Variants in VWA5A observed in about 807,000 individuals in gnomAD.
The protein encoded by VWA5A is von Willebrand factor A domain containing 5A, also known as von Willebrand factor A domain-containing protein 5A.
Under a neutral mutation model 84.6 loss-of-function variants are expected in VWA5A, and 77 were observed. The observed-to-expected ratio is 0.91, with a 90% CI of 0.76 to 1.10. The LOEUF (loss-of-function observed/expected upper bound fraction) is 1.10, where lower values mean the gene tolerates loss of function less well. VWA5A is among the 50% of genes least tolerant of loss of function. The pLI is 0.00. For synonymous variants in VWA5A, 334 were observed against 350.1 expected (o/e 0.95, Z 0.51); for missense variants, 973 against 963.0 (o/e 1.01, Z -0.14).
intron 11 of VWA5A, among the ~76,000 whole-genome samples, chr11:124,132,642 ATTTC>A (rs1865113913): frequency 6.6e-6 from 1 of 152,008 alleles, no homozygotes; most frequent in Non-Finnish European, 1.5e-5. Flanking sequence ...TTCTATTAAT[ATTTC>A]TTTCCTTGCA....
intron 17 of VWA5A, among the ~76,000 whole-genome samples, chr11:124,144,628 C>A (rs903197831): frequency 2.0e-5 from 3 of 152,148 alleles, no homozygotes; most frequent in Non-Finnish European, 4.4e-5. Flanking sequence ...TTCCCTTGAT[C>A]TCCTGACTCT....
At chr11:124,142,375 A>C (rs1251733226) in intron 16 of VWA5A, 67 bp from the exon 17 acceptor site, 25 of 1,578,592 alleles carry the variant, frequency 1.6e-5, no homozygotes, top group Non-Finnish European at 2.1e-5. Context: ...GCAGCCCTAA[A>C]TTCAAGTGTG....
At chr11:124,128,791 T>C (rs896642770) in intron 11 of VWA5A, among the ~76,000 whole-genome samples, 2 of 152,186 alleles carry the variant, frequency 1.3e-5, no homozygotes, top group Non-Finnish European at 2.9e-5. Context: ...TTGTCTATTA[T>C]TGGTGTATAG....
rs764769694 is a variant in VWA5A at position 124,123,732 on chromosome 11, A to AG, written c.1097dup (p.Thr367HisfsTer2). ...GAGTGAAGCTTATGCAGGCCGACCT[A>AG]GGGGGCACTGAAATCTTGGCACCAC... On this transcript the variant is annotated frameshift_variant, in exon 10 of 19. Transcript: ENST00000456829. LOFTEE classifies it high-confidence loss of function. The AG allele has an allele frequency of 2.5e-6, 4 of 1,611,668 alleles. No homozygotes were observed. Among genetic ancestry groups the AG allele is most frequent in the African/African-American group, 2.7e-5 (2 of 74,752 alleles).
At chr11:124,124,398 C>A (rs1864985632) in intron 11 of VWA5A, 82 bp downstream of exon 11, 2 of 1,526,298 alleles carry the variant, frequency 1.3e-6, no homozygotes, top group East Asian at 4.9e-5. Context: ...CCGGTGTTGA[C>A]CTTCCTTCAA....
At chr11:124,130,295 A>G (rs10893150) in intron 11 of VWA5A, among the ~76,000 whole-genome samples, 10,594 of 152,188 alleles carry the variant, frequency 0.07, 434 homozygotes, top group South Asian at 0.1. Context: ...GTTTTGAATG[A>G]CTTTCTTAAT....
At chr11:124,142,369 C>T (rs1860745306) in intron 16 of VWA5A, 73 bp from the exon 17 acceptor site, 3 of 1,557,356 alleles carry the variant, frequency 1.9e-6, no homozygotes, top group Non-Finnish European at 2.6e-6. Context: ...AATTTAGCAG[C>T]CCTAAATTCA....
At chr11:124,135,155 TC>T (rs1422312868) in intron 12 of VWA5A, 121 bp downstream of exon 12, 2 of 724,810 alleles carry the variant, frequency 2.8e-6, no homozygotes, top group East Asian at 5.5e-5. Context: ...TGTTCCTATA[TC>T]CCCAAGGCCT....
At chr11:124,125,283 G>GTT (rs60887785) in intron 11 of VWA5A, among the ~76,000 whole-genome samples, 11 of 143,972 alleles carry the variant, frequency 7.6e-5, no homozygotes, top group Admixed American at 2.1e-4. Context: ...GTGTCTTATG[G>GTT]TTTTTTTTTT....
At chr11:124,143,316 A>G (rs1860764010) in intron 17 of VWA5A, among the ~76,000 whole-genome samples, 5 of 152,246 alleles carry the variant, frequency 3.3e-5, no homozygotes, top group Admixed American at 2.0e-4. Flanking sequence ...GGCATGAGAC[A>G]GGTGCAAAAA....
intron 15 of VWA5A, among the ~76,000 whole-genome samples, chr11:124,139,126 G>A (rs1300747239): frequency 6.6e-6 from 1 of 151,820 alleles, no homozygotes; most frequent in East Asian, 1.9e-4. Flanking sequence ...CTGTTGCATT[G>A]GTCAGTGTCT....
intron 1 of VWA5A, chr11:124,115,882 C>T (rs1470117024): frequency 6.6e-6 from 1 of 152,238 alleles, no homozygotes; most frequent in Admixed American, 6.5e-5. Context: ...CCCCTAAGCC[C>T]TTCTCTATAG....
At chr11:124,117,158 A>G (rs932973857) in intron 2 of VWA5A, among the ~76,000 whole-genome samples, 1 of 152,244 alleles carries the variant, frequency 6.6e-6, no homozygotes, top group African/African-American at 2.4e-5. Context: ...ACTGAGGCTC[A>G]GAGGGATTAG....
At chr11:124,120,290 T>C (rs993386120) in intron 7 of VWA5A, among the ~76,000 whole-genome samples, 2 of 152,244 alleles carry the variant, frequency 1.3e-5, no homozygotes, top group Non-Finnish European at 2.9e-5. Flanking sequence ...CAGTTTGCTG[T>C]GTTCTTGGGG....
chr11:124,129,045 C>T (rs1180373060), intron 11 of VWA5A, among the ~76,000 whole-genome samples: 2 of 152,152 alleles, frequency 1.3e-5, no homozygotes, highest in Non-Finnish European at 2.9e-5. Context: ...GAGAGGGCAT[C>T]CTTGTCTTGT....
chr11:124,118,450 C>T (rs1423770053), intron 5 of VWA5A, 39 bp downstream of exon 5: 2 of 1,611,000 alleles, frequency 1.2e-6, no homozygotes, highest in Admixed American at 1.7e-5. Context: ...TGGTGGGTGA[C>T]ATAAATGGGG....
intron 7 of VWA5A, among the ~76,000 whole-genome samples, chr11:124,120,549 T>G (rs183000777): frequency 8.5e-5 from 13 of 152,362 alleles, no homozygotes; most frequent in Non-Finnish European, 1.5e-4. Flanking sequence ...AGCTTCATAC[T>G]TGAGCTCACA....
At position 124,135,050 on chromosome 11, in the gene VWA5A, A is replaced by T. The variant is rs1865153580; in HGVS notation, c.1359+16A>T. 1.9e-6 allele frequency: 3 copies of T among 1,605,914 alleles called. 1 individual carries two copies. In the South Asian group the frequency reaches 3.4e-5, roughly 18 times the overall value. On this transcript the variant is annotated intron_variant, in intron 12 of 18. Coordinates refer to ENST00000456829, the MANE Select transcript of VWA5A (RefSeq NM_001130142.2). ...GCAGTCCAAGGTGAGGGACAGACTGACTGTGTCTGTCTGGAGGTGGCAATC... is the reference window on the plus strand; with the variant it reads ...GCAGTCCAAGGTGAGGGACAGACTGTCTGTGTCTGTCTGGAGGTGGCAATC...
chr11:124,123,543 T>G (rs1370314390), intron 9 of VWA5A, 89 bp downstream of exon 9: 3 of 1,604,734 alleles, frequency 1.9e-6, no homozygotes, highest in Non-Finnish European at 2.6e-6. Context: ...GGAGTTGACT[T>G]TGGCATTGGG....
Sources: gnomAD v4.1 joint callset for allele counts (sites outside exome capture counted in the v4.1 genomes callset) on GRCh38, gnomAD v4.1.1 for gene constraint, MANE v1.5 for transcripts, NCBI Gene and HGNC (gene_info 2026-07-23, HGNC 2026-07-21) for gene names.